ASIC1: variants seen among roughly 807,000 people sequenced by gnomAD.
The protein encoded by ASIC1 is acid-sensing ion channel 1.
ASIC1 carries 21 observed loss-of-function variants against 63.4 expected under a neutral mutation model. The ratio of observed to expected loss-of-function variants is 0.33; its 90% CI spans 0.23 to 0.48. The LOEUF (loss-of-function observed/expected upper bound fraction) is 0.48. Among genes scored for constraint, ASIC1 ranks in the 20% least tolerant of loss-of-function variants. The pLI, the probability that ASIC1 is intolerant of heterozygous loss-of-function variation, is 0.99. For synonymous variants in ASIC1, 258 were observed against 278.2 expected (o/e 0.93, Z 0.72); for missense variants, 478 against 695.5 (o/e 0.69, Z 3.52).
At chr12:50,067,760 A>G (rs940619927) in intron 3 of ASIC1, among the ~76,000 whole-genome samples, 1 of 151,810 alleles carries the variant, frequency 6.6e-6, no homozygotes, top group African/African-American at 2.4e-5. Context: ...CCTGACAATC[A>G]TACTCTCTTT....
intron 8 of ASIC1, 36 bp downstream of exon 8, chr12:50,080,091 G>T: frequency 6.3e-7 from 1 of 1,576,082 alleles, no homozygotes; most frequent in South Asian, 1.2e-5. Context: ...AGGCCCTTGG[G>T]TTGGGACTGT....
rs924844081 is a variant in ASIC1 at position 50,077,815 on chromosome 12, C to T, written c.710-185C>T. Among the ~76,000 whole-genome samples the T allele has an allele frequency of 1.4e-4, 21 of 152,230 alleles. 1 individual carries two copies. Among genetic ancestry groups the T allele is most frequent in the Non-Finnish European group, 2.8e-4 (19 of 67,996 alleles). ...GAAGTGTGTAGGATACAGGGGTCATCGGAGCAGCTCAGAGCTGGTAAACCC... is the reference window on the plus strand; with the variant it reads ...GAAGTGTGTAGGATACAGGGGTCATTGGAGCAGCTCAGAGCTGGTAAACCC... On this transcript the variant is annotated intron_variant, in intron 4 of 11. Transcript: ENST00000447966.
Position 50,077,224 on chromosome 12 carries a change from C to T in ASIC1, c.570C>T (p.Arg190=), listed in dbSNP as rs554127405. ...TCTGCCCTCGCCAGGTCTTCACACGCTATGGAAAGTGCTACACGTTCAACT... is the reference window on the plus strand; with the variant it reads ...TCTGCCCTCGCCAGGTCTTCACACGTTATGGAAAGTGCTACACGTTCAACT... ...SAEDFKVVFT[R]YGKCYTFNSG... Residue 190 remains arginine, a synonymous_variant, in exon 4 of 12, where the codon CGC becomes CGT. Transcript: ENST00000447966. 6.2e-6 allele frequency: 10 copies of T among 1,610,654 alleles called. No individual in the cohort carries two copies. In the South Asian group the frequency reaches 9.9e-5, roughly 16 times the overall value.
intron 3 of ASIC1, among the ~76,000 whole-genome samples, chr12:50,062,398 G>T (rs534708186): frequency 6.6e-6 from 1 of 152,316 alleles, no homozygotes; most frequent in African/African-American, 2.4e-5. Flanking sequence ...TGTCTATAGG[G>T]TCGATCTAAG....
intron 3 of ASIC1, among the ~76,000 whole-genome samples, chr12:50,075,401 G>C (rs548739581): frequency 6.6e-6 from 1 of 152,332 alleles, no homozygotes; most frequent in South Asian, 2.1e-4. Context: ...CCTCTGAACC[G>C]GCGCAAGACA....
chr12:50,065,001 A>G (rs1950533103), intron 3 of ASIC1, among the ~76,000 whole-genome samples: 1 of 152,062 alleles, frequency 6.6e-6, no homozygotes, highest in African/African-American at 2.4e-5. Flanking sequence ...ACAAGGGGGA[A>G]CATGCTGGGG....
In ASIC1 at chr12:50,077,925, G is replaced by A. The variant is rs532980347; in HGVS notation, c.710-75G>A. Reference sequence around the variant, plus strand: ...CACCCTATGCTTATTTCCAGGAGAGGTAGGATGCCCCCAGGTCTGAGGGGT... The same window carrying A: ...CACCCTATGCTTATTTCCAGGAGAGATAGGATGCCCCCAGGTCTGAGGGGT... On this transcript the variant is annotated intron_variant, in intron 4 of 11. Coordinates refer to ENST00000447966, the MANE Select transcript of ASIC1 (RefSeq NM_001095.4). 18 of 1,537,660 alleles carry A rather than the reference G, an allele frequency of 1.2e-5. No individual in the cohort carries two copies. In the South Asian group the frequency reaches 2.3e-4, roughly 20 times the overall value.
intron 3 of ASIC1, among the ~76,000 whole-genome samples, chr12:50,070,582 G>T (rs1950590116): frequency 6.6e-6 from 1 of 152,176 alleles, no homozygotes; most frequent in African/African-American, 2.4e-5. Flanking sequence ...CTTTGCTGGG[G>T]CTCCCAAGCT....
chr12:50,060,068 G>A lies in ASIC1; in HGVS notation c.558+114G>A, dbSNP rs183668656. On this transcript the variant is annotated intron_variant, in intron 3 of 11. Transcript: ENST00000447966. ...GCTACTCTGGGAGAGGAAGTTGTAT[G>A]TCCTGGGGTTTGCTTCTAGTAGAAG... 3.9e-3 allele frequency: 5,023 copies of A among 1,282,346 alleles called. 19 individuals are homozygous for A. Among genetic ancestry groups the A allele is most frequent in the Non-Finnish European group, 4.6e-3 (4,332 of 932,564 alleles). 79.4% of individuals were successfully genotyped at this position (1,282,346 alleles called of 1,614,324 possible). A position where few individuals can be genotyped will look rare whatever the true frequency, so the allele number is the denominator to read the frequency against.
chr12:50,058,076 TG>T (rs1211872716), intron 1 of ASIC1, among the ~76,000 whole-genome samples, 160 bp downstream of exon 1: 3 of 148,236 alleles, frequency 2.0e-5, no homozygotes, highest in Non-Finnish European at 3.0e-5. Context: ...GAAGCTGGAC[TG>T]GGGGGGGCTG....
chr12:50,073,797 C>A, intron 3 of ASIC1: 1 of 1,535,642 alleles, frequency 6.5e-7, no homozygotes, highest in Non-Finnish European at 8.7e-7. Flanking sequence ...CCAACAGCTG[C>A]ACCCTCCATG....
rs1379129478 is a variant in ASIC1 at position 50,081,251 on chromosome 12, C to G, written c.1378-9C>G. ...TCCAGCCCGCCCACCTGCCCCGTCCCCGTCCTAGGTCATTAAGCACAAGCT... is the reference window on the plus strand; with the variant it reads ...TCCAGCCCGCCCACCTGCCCCGTCCGCGTCCTAGGTCATTAAGCACAAGCT... On this transcript the variant is annotated splice_polypyrimidine_tract_variant and intron_variant, in intron 10 of 11. Transcript: ENST00000447966. 6.2e-7 allele frequency: 1 copy of G among 1,606,034 alleles called. No individual in the cohort carries two copies. Among genetic ancestry groups the G allele is most frequent in the South Asian group, 1.1e-5 (1 of 89,682 alleles).
At position 50,081,842 on chromosome 12, in the gene ASIC1, A is replaced by G; in HGVS notation, c.*193A>G. The G allele has an allele frequency of 1.7e-6, 1 of 591,564 alleles. No individual in the cohort carries two copies. The highest frequency in any genetic ancestry group is 3.0e-6 in the Non-Finnish European group (1 of 336,858). The allele number at this position is 591,564 out of a possible 1,614,324, so 36.6% of individuals were successfully genotyped here. A position where few individuals can be genotyped will look rare whatever the true frequency, so the allele number is the denominator to read the frequency against. On this transcript the variant is annotated 3_prime_UTR_variant, in exon 12 of 12. Coordinates refer to ENST00000447966, the MANE Select transcript of ASIC1 (RefSeq NM_001095.4). ...CTCTATCCCATTCTTTTTACATTTA[A>G]CAAAACTAATCTAAAAAAGAACTAA...
chr12:50,064,179 AG>A (rs1950525382), intron 3 of ASIC1, among the ~76,000 whole-genome samples: 1 of 152,068 alleles, frequency 6.6e-6, no homozygotes, highest in Non-Finnish European at 1.5e-5. Context: ...CTTTGGGGGA[AG>A]GGTTCCTGCC....
Position 50,078,747 on chromosome 12 carries a change from G to A in ASIC1, c.994+170G>A. ...TTCCCGCCTGCACCCCCAGGGATGGGTGGGAAGGGTCTAGAAGGTATGGAC... is the reference window on the plus strand; with the variant it reads ...TTCCCGCCTGCACCCCCAGGGATGGATGGGAAGGGTCTAGAAGGTATGGAC... On this transcript the variant is annotated intron_variant, in intron 6 of 11. Coordinates refer to ENST00000447966, the MANE Select transcript of ASIC1 (RefSeq NM_001095.4). This position sits in a 1 kb window ranked among gnomAD's most constrained non-coding sequence, Gnocchi z 6.0. 1 of 1,338,644 alleles carries A rather than the reference G, an allele frequency of 7.5e-7. No homozygotes were observed. The highest frequency in any genetic ancestry group is 1.2e-5 in the South Asian group (1 of 83,760). 82.9% of individuals were successfully genotyped at this position (1,338,644 alleles called of 1,614,324 possible). A position where few individuals can be genotyped will look rare whatever the true frequency, so the allele number is the denominator to read the frequency against.
Position 50,074,576 on chromosome 12 carries a change from C to A in ASIC1, c.559-2637C>A, listed in dbSNP as rs943064528. ...CCTCATGGTCCAGCAGGGCCCGGGA[C>A]CTTGCTCCATCTGTGAGGTCAACCT... On this transcript the variant is annotated intron_variant, in intron 3 of 11. Coordinates refer to ENST00000447966, the MANE Select transcript of ASIC1 (RefSeq NM_001095.4). The surrounding 1 kb of genome is among the most constrained non-coding windows in gnomAD (Gnocchi z 4.2). 1.3e-5 allele frequency among the ~76,000 whole-genome samples: 2 copies of A among 152,194 alleles called. No individual in the cohort carries two copies. Among genetic ancestry groups the A allele is most frequent in the Non-Finnish European group, 2.9e-5 (2 of 68,038 alleles).
intron 3 of ASIC1, among the ~76,000 whole-genome samples, chr12:50,075,199 GGGGCAGGGGGTGTCAT>G (rs1950642627): frequency 6.6e-6 from 1 of 152,136 alleles, no homozygotes; most frequent in South Asian, 2.1e-4. Flanking sequence ...CCCTAGCGTA[GGGGCAGGGGGTGTCAT>G]CATACCCGTG....
In ASIC1 at chr12:50,074,233, A is replaced by G. The variant is rs1051977486; in HGVS notation, c.559-2980A>G. ...CCAAGGGGGACCCTGCGGCCCTCAC[A>G]ACTTCTCAGTGGTGAGTGGAGCCCC... is the stretch of plus-strand genomic sequence containing the variant. On this transcript the variant is annotated intron_variant, in intron 3 of 11. Transcript: ENST00000447966. This position sits in a 1 kb window ranked among gnomAD's most constrained non-coding sequence, Gnocchi z 4.2. 82 of 1,486,908 alleles carry G rather than the reference A, an allele frequency of 5.5e-5. No individual in the cohort carries two copies. In the Middle Eastern group the frequency reaches 7.0e-4, roughly 13 times the overall value. 92.1% of individuals were successfully genotyped at this position (1,486,908 alleles called of 1,614,324 possible). A position where few individuals can be genotyped will look rare whatever the true frequency, so the allele number is the denominator to read the frequency against.
intron 3 of ASIC1, among the ~76,000 whole-genome samples, chr12:50,075,392 C>T (rs1186213480): frequency 6.6e-6 from 1 of 152,200 alleles, no homozygotes; most frequent in Non-Finnish European, 1.5e-5. Context: ...CAGCCCTGTC[C>T]TCTGAACCGG....
Sources: gnomAD v4.1 joint callset for allele counts (sites outside exome capture counted in the v4.1 genomes callset) on GRCh38, gnomAD v4.1.1 for gene constraint, Gnocchi (gnomAD v3.1) non-coding constraint, MANE v1.5 for transcripts, NCBI Gene and HGNC (gene_info 2026-07-23, HGNC 2026-07-21) for gene names.